The following ZNF219 variants were observed in gnomAD, a reference collection of about 807,000 sequenced individuals.
The protein encoded by ZNF219 is zinc finger protein 219.
Under a neutral mutation model 54.4 loss-of-function variants are expected in ZNF219, and 17 were observed. The ratio of observed to expected loss-of-function variants is 0.31; its 90% CI spans 0.21 to 0.47. ZNF219 has a LOEUF of 0.47. Ranked by LOEUF, ZNF219 falls within the 20% of genes least tolerant of loss-of-function variation. The probability of loss-of-function intolerance (pLI) is 1.00; values close to 1 mark genes in which losing one functional copy is unlikely to be tolerated. For missense variants in ZNF219, 1,014 were observed against 1,062.3 expected (o/e 0.95, Z 0.63); for synonymous variants, 518 against 476.4 (o/e 1.09, Z -1.14).
rs1167319778 is a variant in ZNF219, at chr14:21,098,536, C to T, written c.-308G>A. The T allele has an allele frequency of 1.0e-6, 1 of 985,708 alleles. No individual in the cohort carries two copies. The highest frequency in any genetic ancestry group is 1.2e-6 in the Non-Finnish European group (1 of 830,666). The allele number at this position is 985,708 out of a possible 1,614,324, so 61.1% of individuals were successfully genotyped here. A position where few individuals can be genotyped will look rare whatever the true frequency, so the allele number is the denominator to read the frequency against. ...GGCCCGGCCATTAGCATGCGGGGGG[C>T]GGCGCGGCGGGGCTGGGAGCCGCGC... On this transcript the variant is annotated 5_prime_UTR_variant, in exon 1 of 5. Transcript: ENST00000360947.
Position 21,093,516 on chromosome 14 carries a change from G to T in ZNF219, c.6+70C>A, listed in dbSNP as rs1889101561. 3 of 1,563,020 alleles carry T rather than the reference G, an allele frequency of 1.9e-6. No homozygotes were observed. The African/African-American group carries it at 4.1e-5, about 21-fold the overall frequency. ...TTCTAATAATGGGAGGTCAAAGAGA[G>T]AGAGAGGTAGGCAGGAGAGGGAGTA... On this transcript the variant is annotated intron_variant, in intron 2 of 4. Coordinates refer to ENST00000360947, the MANE Select transcript of ZNF219 (RefSeq NM_016423.3).
chr14:21,090,198 C>G lies in ZNF219; in HGVS notation c.*338G>C. 1 of 558,402 alleles carries G rather than the reference C, an allele frequency of 1.8e-6. No homozygotes were observed. Among genetic ancestry groups the G allele is most frequent in the Non-Finnish European group, 3.4e-6 (1 of 292,532 alleles). 34.6% of individuals were successfully genotyped at this position (558,402 alleles called of 1,614,324 possible). Reference sequence around the variant, plus strand: ...GGGGCTAGAAGGGTACAGTGCCCCCCACCCTCACCCCTTGTACAAAAATAA... The same window carrying G: ...GGGGCTAGAAGGGTACAGTGCCCCCGACCCTCACCCCTTGTACAAAAATAA... On this transcript the variant is annotated 3_prime_UTR_variant, in exon 5 of 5. Coordinates refer to ENST00000360947, the MANE Select transcript of ZNF219 (RefSeq NM_016423.3). This position sits in a 1 kb window ranked among gnomAD's most constrained non-coding sequence, Gnocchi z 4.4.
In ZNF219 at chr14:21,092,492, G is replaced by C. The variant is rs1208884474; in HGVS notation, c.805C>G (p.Pro269Ala). ...TGGCAGCGGAACTCCGGAGGCGCTG[G>C]GGGCTCCTCGGGAGCGGCAGGAGCT... Reference protein sequence around the residue: ...TPAPAAPEEPPAPPEFRCQVC... With the variant: ...TPAPAAPEEPAAPPEFRCQVC... Residue 269 changes from proline to alanine, a missense_variant, in exon 3 of 5, where the codon CCA becomes GCA. Pro to Ala is a conservative substitution (Grantham distance 27). Coordinates refer to ENST00000360947, the MANE Select transcript of ZNF219 (RefSeq NM_016423.3). 4 of 1,552,106 alleles carry C rather than the reference G, an allele frequency of 2.6e-6. No individual in the cohort carries two copies. The Admixed American group carries it at 7.8e-5, about 30-fold the overall frequency.
chr14:21,102,601 G>A (rs1423563224), upstream of ZNF219: 9 of 1,550,996 alleles, frequency 5.8e-6, no homozygotes, highest in Admixed American at 5.9e-5. Context: ...CAGGTGCGGG[G>A]TCCCTGCATT....
chr14:21,097,151 A>T (rs1220299097), intron 1 of ZNF219, among the ~76,000 whole-genome samples: 2 of 152,170 alleles, frequency 1.3e-5, no homozygotes, highest in East Asian at 3.8e-4. Flanking sequence ...TCTGAACCTC[A>T]CTGCTCAGAT....
chr14:21,096,986 C>A (rs1229852212), intron 1 of ZNF219, among the ~76,000 whole-genome samples: 1 of 152,194 alleles, frequency 6.6e-6, no homozygotes, highest in Admixed American at 6.5e-5. Flanking sequence ...TCTTGAGAAT[C>A]CTAGACCTCC....
chr14:21,091,166 C>A, intron 4 of ZNF219, 26 bp from the exon 5 acceptor site: 2 of 1,586,704 alleles, frequency 1.3e-6, no homozygotes, highest in South Asian at 2.2e-5. Context: ...GCGATAGGGT[C>A]ACGGGGTCAC....
At position 21,090,888 on chromosome 14, in the gene ZNF219, C is replaced by T. The variant is rs775720382; in HGVS notation, c.1817G>A (p.Arg606His). The change falls in exon 5 of 5, where the codon CGT (arginine) becomes CAT (histidine). Residue 606 changes from arginine (R) to histidine (H), a missense_variant. This residue lies in a region of ZNF219 where 281 missense variants were observed against 271.2 expected (regional missense o/e 1.04). Transcript: ENST00000360947. The surrounding 1 kb of genome is among the most constrained non-coding windows in gnomAD (Gnocchi z 4.4). ...PPSSGAGPGS[R>H]RKPASPGRTL... ...CCTCCCAGGGCTGGCGGGCTTCCGA[C>T]GGGACCCCGGCCCAGCACCGCTAGA... 6 of 1,549,786 alleles carry T rather than the reference C, an allele frequency of 3.9e-6. No homozygotes were observed. Among genetic ancestry groups the T allele is most frequent in the East Asian group, 4.8e-5 (2 of 41,490 alleles).
Position 21,092,190 on chromosome 14 carries a change from C to T in ZNF219, c.1107G>A (p.Pro369=), listed in dbSNP as rs1393220055. The change falls in exon 3 of 5, where the codon CCG becomes CCA. Residue 369 remains proline, a synonymous_variant. Coordinates refer to ENST00000360947, the MANE Select transcript of ZNF219 (RefSeq NM_016423.3). ...PALLLAPAPT[P]AERREPPSLL... The stretch of plus-strand genomic sequence containing the variant: ...GGCTCGGGGGCTCACGGCGCTCGGC[C>T]GGGGTGGGAGCCGGGGCCAAGAGGA... 2 of 1,438,676 alleles carry T rather than the reference C, an allele frequency of 1.4e-6. No individual in the cohort carries two copies. The highest frequency in any genetic ancestry group is 1.8e-6 in the Non-Finnish European group (2 of 1,102,802). The allele number at this position is 1,438,676 out of a possible 1,614,324, so 89.1% of individuals were successfully genotyped here. A position where few individuals can be genotyped will look rare whatever the true frequency, so the allele number is the denominator to read the frequency against.
At chr14:21,093,985 G>A (rs533961161) in intron 1 of ZNF219, among the ~76,000 whole-genome samples, 2 of 152,300 alleles carry the variant, frequency 1.3e-5, no homozygotes, top group South Asian at 2.1e-4. Context: ...CCTCTCCCAT[G>A]TAGGTTGGGC....
chr14:21,093,340 G>A (rs1889088313), intron 2 of ZNF219, 50 bp from the exon 3 acceptor site: 5 of 1,521,270 alleles, frequency 3.3e-6, no homozygotes, highest in Non-Finnish European at 4.4e-6. Context: ...GAGCTGTAAA[G>A]GAAGCAAGGG....
chr14:21,090,784 G>T lies in ZNF219; in HGVS notation c.1921C>A (p.Pro641Thr). The change falls in exon 5 of 5, where the codon CCT becomes ACT. Residue 641 changes from proline (P) to threonine (T), a missense_variant. Physicochemically the swap from Pro to Thr is conservative, Grantham distance 38. Transcript: ENST00000360947. The surrounding 1 kb of genome is among the most constrained non-coding windows in gnomAD (Gnocchi z 4.4). ...LRAGPGGEAG[P>T]GGALHRCLFC... ...AGGCAGCGGTGGAGGGCACCCCCAG[G>T]CCCGGCCTCGCCTCCCGGCCCTGCC... 1 of 1,588,130 alleles carries T rather than the reference G, an allele frequency of 6.3e-7. No homozygotes were observed. Among genetic ancestry groups the T allele is most frequent in the Non-Finnish European group, 8.6e-7 (1 of 1,168,040 alleles).
upstream of ZNF219, chr14:21,103,372 G>T: frequency 4.8e-6 from 7 of 1,443,450 alleles, no homozygotes; most frequent in Non-Finnish European, 4.5e-6. Context: ...CTCAAAGCAG[G>T]CCCTTTTTTC....
Position 21,092,613 on chromosome 14 carries a change from A to G in ZNF219, c.684T>C (p.Pro228=), listed in dbSNP as rs1238698732. Residue 228 remains proline (P), a synonymous_variant, in exon 3 of 5, where the codon CCT becomes CCC. Transcript: ENST00000360947. ...PLAATSAAPP[P]QPQPQPPPQP... ...GGGGTGGAGGCTGAGGCTGAGGCTG[A>G]GGCGGAGGCGCAGCGGAGGTGGCCG... 2.6e-6 allele frequency: 4 copies of G among 1,552,020 alleles called. No homozygotes were observed. The highest frequency in any genetic ancestry group is 3.5e-6 in the Non-Finnish European group (4 of 1,150,348).
rs1052527987 is a variant in ZNF219, at chr14:21,091,473, G to A, written c.1502C>T (p.Pro501Leu). The A allele has an allele frequency of 6.2e-7, 1 of 1,610,478 alleles. No individual in the cohort carries two copies. The highest frequency in any genetic ancestry group is 1.3e-5 in the African/African-American group (1 of 75,004). Residue 501 changes from proline (P) to leucine (L), a missense_variant, in exon 4 of 5, where the codon CCT (proline) becomes CTT (leucine). Transcript: ENST00000360947. ...GGRGATGKDC[P>L]FCGKSFRSAH... ...TGAGCGGAAAGATTTTCCGCAGAAAGGACAATCCTTGCCGGTGGCGCCCCG... is the reference window on the plus strand; with the variant it reads ...TGAGCGGAAAGATTTTCCGCAGAAAAGACAATCCTTGCCGGTGGCGCCCCG...
chr14:21,093,512 G>T, intron 2 of ZNF219, 74 bp downstream of exon 2: 1 of 1,454,016 alleles, frequency 6.9e-7, no homozygotes, highest in Non-Finnish European at 9.6e-7. Flanking sequence ...GGAGGTCAAA[G>T]AGAGAGAGAG....
chr14:21,102,371 T>C (rs1363315509), upstream of ZNF219: 2 of 1,550,382 alleles, frequency 1.3e-6, no homozygotes, highest in Non-Finnish European at 1.7e-6. Context: ...ATGACTCCCC[T>C]AGGCTGGGCA....
At chr14:21,102,644 G>T (rs1288472735), upstream of ZNF219, 1 of 1,551,480 alleles carries the variant, frequency 6.4e-7, no homozygotes, top group Non-Finnish European at 8.7e-7. Context: ...ATGCTGGCTT[G>T]CTGGTGCTGG....
Position 21,093,054 on chromosome 14 carries a change from T to C in ZNF219, c.243A>G (p.Gly81=), listed in dbSNP as rs772806289. Residue 81 remains glycine, a synonymous_variant, in exon 3 of 5, where the codon GGA becomes GGG. Transcript: ENST00000360947. The stretch of plus-strand genomic sequence containing the variant: ...AGTGAGGGCACTGGAAGGCCTGGGC[T>C]CCTGGGTGCGCCCGCAGGTGCAAAG... ...ILALHLRAHP[G]AQAFQCPHCG... 116 of 1,600,330 alleles carry C rather than the reference T, an allele frequency of 7.2e-5. No individual in the cohort carries two copies. The highest frequency in any genetic ancestry group is 9.8e-5 in the Non-Finnish European group (115 of 1,175,294).
Sources: allele counts gnomAD v4.1 joint callset (sites outside exome capture counted in the v4.1 genomes callset), GRCh38; gene constraint gnomAD v4.1.1; regional missense constraint gnomAD v4.1.1; non-coding constraint Gnocchi (gnomAD v3.1); transcripts MANE v1.5; gene names NCBI Gene and HGNC (gene_info 2026-07-23, HGNC 2026-07-21).